Variants in CCDC88A observed in about 807,000 individuals in gnomAD.
CCDC88A encodes the protein coiled-coil and HOOK domain protein 88A.
In CCDC88A, 54 loss-of-function variants were observed where a neutral mutation model predicts 234.3. The ratio of observed to expected loss-of-function variants is 0.23; its 90% CI spans 0.19 to 0.29. CCDC88A has a LOEUF of 0.29. Ranked by LOEUF, CCDC88A falls within the 10% of genes least tolerant of loss-of-function variation. The probability of loss-of-function intolerance (pLI) is 1.00; values close to 1 mark genes in which losing one functional copy is unlikely to be tolerated. For synonymous variants in CCDC88A, 753 were observed against 737.8 expected, an observed-to-expected ratio of 1.02 and a Z score of -0.33; for missense variants, 1,832 against 2,123.4, an observed-to-expected ratio of 0.86 and a Z score of 2.70.
intron 2 of CCDC88A, chr2:55,418,374 ATTAC>A (rs1681816214): frequency 1.2e-5 from 2 of 164,022 alleles, no homozygotes; most frequent in Non-Finnish European, 2.7e-5. Context: ...GAAATCTGCT[ATTAC>A]TTAACGAGTT....
In CCDC88A at chr2:55,328,320, G is replaced by C; in HGVS notation, c.2971C>G (p.Gln991Glu). Residue 991 changes from glutamine to glutamate, a missense_variant, in exon 17 of 33, where the codon CAG becomes GAG. By Grantham distance (29) the Gln-to-Glu change is conservative (BLOSUM62 2). Coordinates refer to ENST00000436346, the MANE Select transcript of CCDC88A (RefSeq NM_001365480.1). This position sits in a 1 kb window ranked among gnomAD's most constrained non-coding sequence, Gnocchi z 4.3. ...GTTTTAAGTTCTTGGCGCAATTGCTGGTTATAATTCGTGGATTCTTCTAAT... is the reference window on the plus strand; with the variant it reads ...GTTTTAAGTTCTTGGCGCAATTGCTCGTTATAATTCGTGGATTCTTCTAAT... ...ARLEESTNYN[Q>E]QLRQELKTVK... 6.3e-7 allele frequency: 1 copy of C among 1,595,494 alleles called. No individual in the cohort carries two copies. Among genetic ancestry groups the C allele is most frequent in the Non-Finnish European group, 8.5e-7 (1 of 1,173,502 alleles).
Position 55,295,938 on chromosome 2 carries a change from C to A in CCDC88A, c.5210G>T (p.Gly1737Val), listed in dbSNP as rs779817808. ...VSCGLARSVS[G>V]KTPGDFYDRR... ...ATCATAGAAGTCCCCTGGGGTTTTT[C>A]CACTTACTGACCTGGCCAGACCACA... The change falls in exon 31 of 33, where the codon GGA becomes GTA. Residue 1737 changes from glycine to valine, a missense_variant. By Grantham distance (109) the Gly-to-Val change is moderately radical. Transcript: ENST00000436346. 18 of 1,613,946 alleles carry A rather than the reference C, an allele frequency of 1.1e-5. No individual in the cohort carries two copies. In the East Asian group the frequency reaches 2.9e-4, roughly 26 times the overall value.
chr2:55,316,114 C>T lies in CCDC88A; in HGVS notation c.3747G>A (p.Arg1249=), dbSNP rs761009858. The change falls in exon 22 of 33, where the codon AGG becomes AGA. Residue 1249 remains arginine, a splice_region_variant and synonymous_variant. Transcript: ENST00000436346. The part of the protein sequence containing the change: ...EYKKLCGEND[R]LNHTYSQLLK... The stretch of plus-strand genomic sequence containing the variant: ...AAAGTTGACTATAGGTATGATTCAG[C>T]CTATAATTAGAAATCATAGAAATAT... The T allele has an allele frequency of 1.1e-5, 15 of 1,324,742 alleles. No homozygotes were observed. The Admixed American group carries it at 1.2e-4, about 11-fold the overall frequency. 82.1% of individuals were successfully genotyped at this position (1,324,742 alleles called of 1,614,324 possible). A position where few individuals can be genotyped will look rare whatever the true frequency, so the allele number is the denominator to read the frequency against.
chr2:55,336,050 TA>T (rs1165884615), intron 14 of CCDC88A, among the ~76,000 whole-genome samples: 1 of 151,438 alleles, frequency 6.6e-6, no homozygotes, highest in Non-Finnish European at 1.5e-5. Context: ...AAAAAAAAAT[TA>T]AAAAATTATC....
intron 2 of CCDC88A, among the ~76,000 whole-genome samples, chr2:55,389,698 C>G (rs905989620): frequency 1.5e-4 from 23 of 152,028 alleles, no homozygotes; most frequent in Non-Finnish European, 2.6e-4. Flanking sequence ...TGACTCCAAA[C>G]AATTTTTGAT....
intron 5 of CCDC88A, 44 bp from the exon 6 acceptor site, chr2:55,364,077 T>C (rs753246015): frequency 6.3e-6 from 6 of 946,036 alleles, no homozygotes; most frequent in Non-Finnish European, 1.6e-6. Context: ...TTATAGGGTA[T>C]GGTCCTTAAA....
rs906998841 is a variant in CCDC88A, at chr2:55,329,194, C to T, written c.2856-759G>A. 1.3e-4 allele frequency: 20 copies of T among 152,274 alleles called. 1 individual carries two copies. Among genetic ancestry groups the T allele is most frequent in the African/African-American group, 4.8e-4 (20 of 41,564 alleles). The allele number at this position is 152,274 out of a possible 1,614,324, so 9.4% of individuals were successfully genotyped here. A position where few individuals can be genotyped will look rare whatever the true frequency, so the allele number is the denominator to read the frequency against. ...ATGTGACTGTCAGTATTGCAATTATCTTTCTGAATGGTAGATAAATGAATA... is the reference window on the plus strand; with the variant it reads ...ATGTGACTGTCAGTATTGCAATTATTTTTCTGAATGGTAGATAAATGAATA... On this transcript the variant is annotated intron_variant, in intron 16 of 32. Coordinates refer to ENST00000436346, the MANE Select transcript of CCDC88A (RefSeq NM_001365480.1).
chr2:55,384,688 G>A (rs562732527), intron 3 of CCDC88A, among the ~76,000 whole-genome samples: 1 of 138,262 alleles, frequency 7.2e-6, no homozygotes, highest in African/African-American at 2.8e-5. Context: ...ACAGAGTCTC[G>A]CTCTGTCGCC....
chr2:55,298,692 GAAACCCTGTCTCTAACAA>G (rs1347493700), intron 29 of CCDC88A, among the ~76,000 whole-genome samples: 1 of 151,870 alleles, frequency 6.6e-6, no homozygotes, highest in Non-Finnish European at 1.5e-5. Context: ...CAACATGTTA[GAAACCCTGTCTCTAACAA>G]AAATACAAAA....
chr2:55,350,778 G>C (rs1669775323), intron 8 of CCDC88A, among the ~76,000 whole-genome samples: 1 of 152,054 alleles, frequency 6.6e-6, no homozygotes, highest in East Asian at 1.9e-4. Flanking sequence ...TCCTGCCTCA[G>C]CGTCCGGAAT....
chr2:55,324,130 G>C (rs991670859), intron 17 of CCDC88A: 2 of 151,864 alleles, frequency 1.3e-5, no homozygotes, highest in Non-Finnish European at 2.9e-5. Context: ...CTGTAACAAA[G>C]TAATTTAGAG....
At chr2:55,365,997 T>C (rs1218906995) in intron 5 of CCDC88A, among the ~76,000 whole-genome samples, 3 of 152,160 alleles carry the variant, frequency 2.0e-5, no homozygotes, top group Admixed American at 6.5e-5. Context: ...GGCTACTGTA[T>C]TGAATAGGCC....
At chr2:55,359,444 G>C (rs1386701358) in intron 7 of CCDC88A, among the ~76,000 whole-genome samples, 1 of 151,896 alleles carries the variant, frequency 6.6e-6, no homozygotes. Context: ...TAGATATTTT[G>C]ACATTTCTCT....
rs374353145 is a variant in CCDC88A at position 55,355,599 on chromosome 2, T to C, written c.780A>G (p.Ile260Met). ...CTTACAATTCCTGCCTAAGCCTTCT[T>C]ATCTTGGCTTTAGCATCTGCCAGTT... is the stretch of plus-strand genomic sequence containing the variant. ...SVELADAKAK[I>M]RRLRQELEEK... is the part of the protein sequence containing the mutation. Residue 260 changes from isoleucine (I) to methionine (M), a missense_variant, in exon 8 of 33, where the codon ATA becomes ATG. By Grantham distance (10) the Ile-to-Met change is conservative. Around this residue, in one of 6 missense-constraint regions of CCDC88A, gnomAD observed 1,282 missense variants for 1,543.6 expected, o/e 0.83. Transcript: ENST00000436346. 9.3e-6 allele frequency: 15 copies of C among 1,614,012 alleles called. No homozygotes were observed. The highest frequency in any genetic ancestry group is 1.3e-5 in the Non-Finnish European group (15 of 1,179,982).
rs10153861 is a variant in CCDC88A, at chr2:55,317,486, T to C, written c.3602+78A>G. The C allele has an allele frequency of 0.018, 20,730 of 1,181,728 alleles. 1,969 individuals are homozygous for C. The African/African-American group carries it at 0.24, about 14-fold the overall frequency. The allele number at this position is 1,181,728 out of a possible 1,614,324, so 73.2% of individuals were successfully genotyped here. ...CTTATGTAAACTAACATTAGATGTG[T>C]TTAATATATAAAATTTATTATACTA... On this transcript the variant is annotated intron_variant, in intron 20 of 32. Coordinates refer to ENST00000436346, the MANE Select transcript of CCDC88A (RefSeq NM_001365480.1). The surrounding 1 kb of genome is among the most constrained non-coding windows in gnomAD (Gnocchi z 4.2).
Position 55,319,511 on chromosome 2 carries a change from A to G in CCDC88A, c.3163-507T>C, listed in dbSNP as rs185706604. Among the ~76,000 whole-genome samples, 3 of 152,326 alleles carry G rather than the reference A, an allele frequency of 2.0e-5. No individual in the cohort carries two copies. The East Asian group carries it at 5.8e-4, about 29-fold the overall frequency. On this transcript the variant is annotated intron_variant, in intron 18 of 32. Coordinates refer to ENST00000436346, the MANE Select transcript of CCDC88A (RefSeq NM_001365480.1). ...ATATTTCAAAGGGAAGCAGGTTTACAGGAACAATCTTAACCATTTTTTGTT... is the reference window on the plus strand; with the variant it reads ...ATATTTCAAAGGGAAGCAGGTTTACGGGAACAATCTTAACCATTTTTTGTT...
intron 7 of CCDC88A, chr2:55,356,288 T>C (rs2104765550): frequency 6.6e-6 from 1 of 152,422 alleles, no homozygotes; most frequent in South Asian, 2.1e-4. Context: ...CTGAGGATAA[T>C]GGCTTCCAGC....
chr2:55,360,182 A>C (rs1198444631), intron 7 of CCDC88A, among the ~76,000 whole-genome samples: 3 of 152,228 alleles, frequency 2.0e-5, no homozygotes, highest in African/African-American at 7.2e-5. Flanking sequence ...GAGAGGACTG[A>C]AGACATACTT....
chr2:55,317,968 G>T lies in CCDC88A; in HGVS notation c.3325-127C>A. ...ACAGCACACATATTTACATTATACTGGGAAGACGTGGATTTTAGCTTCCCA... is the reference window on the plus strand; with the variant it reads ...ACAGCACACATATTTACATTATACTTGGAAGACGTGGATTTTAGCTTCCCA... On this transcript the variant is annotated intron_variant, in intron 19 of 32. Coordinates refer to ENST00000436346, the MANE Select transcript of CCDC88A (RefSeq NM_001365480.1). This position sits in a 1 kb window ranked among gnomAD's most constrained non-coding sequence, Gnocchi z 4.2. 1.5e-6 allele frequency: 1 copy of T among 660,092 alleles called. No homozygotes were observed. Among genetic ancestry groups the T allele is most frequent in the Non-Finnish European group, 2.5e-6 (1 of 407,392 alleles). The allele number at this position is 660,092 out of a possible 1,614,324, so 40.9% of individuals were successfully genotyped here.
Sources: allele counts gnomAD v4.1 joint callset (sites outside exome capture counted in the v4.1 genomes callset), GRCh38; gene constraint gnomAD v4.1.1; regional missense constraint gnomAD v4.1.1; non-coding constraint Gnocchi (gnomAD v3.1); transcripts MANE v1.5; gene names NCBI Gene and HGNC (gene_info 2026-07-23, HGNC 2026-07-21).